Variants in ARHGAP28 observed in about 807,000 individuals in gnomAD.
ARHGAP28 encodes rho GTPase-activating protein 28.
ARHGAP28 carries 56 observed loss-of-function variants against 90.7 expected under a neutral mutation model. The observed-to-expected ratio is 0.62, with a 90% CI of 0.50 to 0.77. ARHGAP28 has a LOEUF of 0.77. Among genes scored for constraint, ARHGAP28 ranks in the 30% least tolerant of loss-of-function variants. The pLI, the probability that ARHGAP28 is intolerant of heterozygous loss-of-function variation, is 0.00. For synonymous variants in ARHGAP28, 308 were observed against 323.3 expected (o/e 0.95, Z 0.51); for missense variants, 869 against 900.9 (o/e 0.96, Z 0.45).
intron 14 of ARHGAP28, 52 bp from the exon 15 acceptor site, chr18:6,894,783 C>CA: frequency 6.6e-7 from 1 of 1,526,664 alleles, no homozygotes; most frequent in Non-Finnish European, 9.0e-7. Flanking sequence ...CTTCCAAAAG[C>CA]AACATATGCT....
intron 1 of ARHGAP28, among the ~76,000 whole-genome samples, chr18:6,761,372 T>A (rs184195850): frequency 6.6e-6 from 1 of 152,350 alleles, no homozygotes; most frequent in East Asian, 1.9e-4. Context: ...CATGGAATTT[T>A]GGTTCCTCAG....
rs2057129735 is a variant in ARHGAP28 at position 6,876,195 on chromosome 18, C to A, written c.1277C>A (p.Thr426Asn). ...SEGIFRLSGC[T>N]AKVKQYREEL... ...GGAATTTTTCGACTTTCAGGATGTA[C>A]TGCTAAAGTCAAGGTACCGAACATT... The change falls in exon 10 of 18, where the codon ACT becomes AAT. Residue 426 changes from threonine (T) to asparagine (N), a missense_variant. Thr to Asn is a moderately conservative substitution (Grantham distance 65). Transcript: ENST00000383472. 6.2e-7 allele frequency: 1 copy of A among 1,613,670 alleles called. No individual in the cohort carries two copies. The highest frequency in any genetic ancestry group is 8.5e-7 in the Non-Finnish European group (1 of 1,179,764).
At chr18:6,860,571 G>A (rs1053815147) in intron 5 of ARHGAP28, among the ~76,000 whole-genome samples, 2 of 152,178 alleles carry the variant, frequency 1.3e-5, no homozygotes, top group African/African-American at 4.8e-5. Context: ...TTGATGGAAG[G>A]CAGCAGTTAG....
chr18:6,889,850 A>G (rs771080052), intron 12 of ARHGAP28, 38 bp from the exon 13 acceptor site: 2 of 1,594,912 alleles, frequency 1.3e-6, no homozygotes, highest in Non-Finnish European at 1.7e-6. Context: ...CACTTTTGAC[A>G]GTGTACAATT....
intron 1 of ARHGAP28, among the ~76,000 whole-genome samples, chr18:6,733,281 A>G (rs1433699620): frequency 2.0e-5 from 3 of 152,168 alleles, no homozygotes; most frequent in Non-Finnish European, 4.4e-5. Context: ...TTTTTAATAT[A>G]TAGATTATCC....
At chr18:6,909,143 G>T in intron 17 of ARHGAP28, 119 bp downstream of exon 17, 1 of 621,922 alleles carries the variant, frequency 1.6e-6, no homozygotes, top group East Asian at 2.9e-5. Context: ...AAAATCAGTA[G>T]GTTTCTGATA....
intron 5 of ARHGAP28, among the ~76,000 whole-genome samples, chr18:6,862,804 C>G (rs2057008929): frequency 6.6e-6 from 1 of 152,152 alleles, no homozygotes; most frequent in African/African-American, 2.4e-5. Context: ...ATAATTGTGT[C>G]TTTCCATTTA....
chr18:6,809,755 C>T (rs939667381), intron 1 of ARHGAP28, among the ~76,000 whole-genome samples: 2 of 152,182 alleles, frequency 1.3e-5, no homozygotes, highest in Non-Finnish European at 2.9e-5. Context: ...CCAGGCCGCA[C>T]CTCCAACATT....
At chr18:6,777,224 A>G (rs1434248239) in intron 1 of ARHGAP28, among the ~76,000 whole-genome samples, 1 of 152,216 alleles carries the variant, frequency 6.6e-6, no homozygotes, top group Non-Finnish European at 1.5e-5. Context: ...TGTTTAAGGG[A>G]GACTCACCTG....
intron 1 of ARHGAP28, among the ~76,000 whole-genome samples, chr18:6,754,290 T>C (rs1412270946): frequency 6.6e-6 from 1 of 152,212 alleles, no homozygotes; most frequent in Non-Finnish European, 1.5e-5. Context: ...ATTAATGATA[T>C]GTCATTATCA....
At chr18:6,733,668 A>G (rs558739493) in intron 1 of ARHGAP28, among the ~76,000 whole-genome samples, 1 of 152,330 alleles carries the variant, frequency 6.6e-6, no homozygotes, top group Admixed American at 6.5e-5. Context: ...TTGGAGCTAA[A>G]AGGCAAGAAA....
chr18:6,755,759 TA>T (rs1407192784), intron 1 of ARHGAP28, among the ~76,000 whole-genome samples: 1 of 152,172 alleles, frequency 6.6e-6, no homozygotes, highest in Non-Finnish European at 1.5e-5. Context: ...CCAAATACCA[TA>T]AAATGTAGTA....
chr18:6,890,483 A>G lies in ARHGAP28; in HGVS notation c.1788A>G (p.Leu596=), dbSNP rs368562812. 207 of 1,613,564 alleles carry G rather than the reference A, an allele frequency of 1.3e-4. No individual in the cohort carries two copies. The highest frequency in any genetic ancestry group is 1.7e-4 in the Non-Finnish European group (198 of 1,179,838). Residue 596 remains leucine, a synonymous_variant, in exon 14 of 18, where the codon CTA becomes CTG. Transcript: ENST00000383472. Reference sequence around the variant, plus strand: ...GAAGAATGAATGAAGCCACGATGCTATTGAAGAAGCAGCTCCCAAGTGTCA... The same window carrying G: ...GAAGAATGAATGAAGCCACGATGCTGTTGAAGAAGCAGCTCCCAAGTGTCA... ...QVRRMNEATM[L]LKKQLPSVRK... is the part of the protein sequence containing the mutation.
At chr18:6,904,839 C>T (rs191985797) in intron 16 of ARHGAP28, among the ~76,000 whole-genome samples, 133 of 152,180 alleles carry the variant, frequency 8.7e-4, no homozygotes, top group Admixed American at 2.2e-3. Flanking sequence ...GGACCAATTC[C>T]TCAAAAGCCA....
intron 2 of ARHGAP28, among the ~76,000 whole-genome samples, chr18:6,835,377 A>C (rs1413053645): frequency 6.6e-6 from 1 of 152,260 alleles, no homozygotes; most frequent in African/African-American, 2.4e-5. Context: ...CTTACTACTT[A>C]GATTACGGCT....
At chr18:6,888,635 T>C (rs979921700) in intron 12 of ARHGAP28, among the ~76,000 whole-genome samples, 6 of 152,138 alleles carry the variant, frequency 3.9e-5, no homozygotes, top group African/African-American at 1.4e-4. Flanking sequence ...TACAGAGTGT[T>C]CTTTTATCAA....
intron 1 of ARHGAP28, among the ~76,000 whole-genome samples, chr18:6,762,649 G>A (rs1037819418): frequency 6.6e-6 from 1 of 151,866 alleles, no homozygotes; most frequent in Non-Finnish European, 1.5e-5. Context: ...AGTTAATTAA[G>A]TGAAAATAGG....
chr18:6,826,896 A>T (rs971453861), intron 2 of ARHGAP28, among the ~76,000 whole-genome samples: 1 of 151,986 alleles, frequency 6.6e-6, no homozygotes, highest in Non-Finnish European at 1.5e-5. Flanking sequence ...ACTCTCAACG[A>T]GCACTCTGCC....
chr18:6,758,002 G>T (rs765386020), intron 1 of ARHGAP28, among the ~76,000 whole-genome samples: 1 of 152,126 alleles, frequency 6.6e-6, no homozygotes, highest in Non-Finnish European at 1.5e-5. Flanking sequence ...TAAATTTTTG[G>T]CTCTGAGAGC....
Sources: allele counts gnomAD v4.1 joint callset (sites outside exome capture counted in the v4.1 genomes callset), GRCh38; gene constraint gnomAD v4.1.1; transcripts MANE v1.5; gene names NCBI Gene and HGNC (gene_info 2026-07-23, HGNC 2026-07-21).